Variants in ZNF185 observed in about 807,000 individuals in gnomAD.
ZNF185 encodes zinc finger protein 185 with LIM domain.
In ZNF185, 56 loss-of-function variants were observed where a neutral mutation model predicts 58.6. The observed-to-expected ratio is 0.95, with a 90% CI of 0.77 to 1.19. ZNF185 has a LOEUF of 1.19. ZNF185 is among the 50% of genes most tolerant of loss of function. ZNF185 has a pLI of 0.00. For synonymous variants in ZNF185, 230 were observed against 215.9 expected (o/e 1.07, Z -0.57); for missense variants, 627 against 573.5 (o/e 1.09, Z -0.95).
chrX:152,938,071 C>T lies in ZNF185; in HGVS notation c.1122-3C>T. 8.5e-7 allele frequency: 1 copy of T among 1,174,698 alleles called. No individual in the cohort carries two copies. The highest frequency in any genetic ancestry group is 1.1e-6 in the Non-Finnish European group (1 of 876,369). On this transcript the variant is annotated splice_region_variant and splice_polypyrimidine_tract_variant and intron_variant, in intron 14 of 22. Coordinates refer to ENST00000449285, the Ensembl canonical transcript of ZNF185. ...CTCAGCAGGCCTGTGTTTCCTTCCT[C>T]AGCTCCAGTGCCACTTCAGTCTCTG...
At chrX:152,900,385 G>A in the ZNF185 span, among the ~76,000 whole-genome samples, 1 of 112,650 alleles carries the variant, frequency 8.9e-6, no homozygotes, top group African/African-American at 3.2e-5. Context: ...TGCGGGTTTT[G>A]CTTCAAGCCA....
chrX:152,917,857 G>T, intron 5 of ZNF185: 1 of 1,076,725 alleles, frequency 9.3e-7, no homozygotes, highest in Non-Finnish European at 1.2e-6. Context: ...GCAAGAGCCC[G>T]CTGGGCTGTT....
chrX:152,939,877 G>T (rs1253597307), intron 15 of ZNF185, among the ~76,000 whole-genome samples: 3 of 105,186 alleles, frequency 2.9e-5, no homozygotes, highest in South Asian at 4.3e-4. Flanking sequence ...CTGCCTCCTG[G>T]GTTCAAACGA....
intron 11 of ZNF185, among the ~76,000 whole-genome samples, chrX:152,925,026 C>T (rs993367002): frequency 8.0e-5 from 9 of 112,389 alleles, no homozygotes. Flanking sequence ...GGCATGGTGG[C>T]TCATGCCCGT....
the ZNF185 span, among the ~76,000 whole-genome samples, chrX:152,904,106 T>C: frequency 1.8e-5 from 2 of 112,691 alleles, no homozygotes; most frequent in Non-Finnish European, 3.8e-5. Flanking sequence ...TCTTTTTTTT[T>C]CCACTTGCTG....
rs2050613313 is a variant in ZNF185 at position 152,970,913 on chromosome X, G to A, written c.*1-361G>A. Among the ~76,000 whole-genome samples the A allele has an allele frequency of 2.7e-5, 3 of 111,615 alleles. 1 individual carries two copies. On this transcript the variant is annotated intron_variant, in intron 22 of 22. Transcript: ENST00000449285. ...AGGTAGAATCAGGACCTCACCCCAG[G>A]TCTTTGGATTCTTGTCCAGGGCTCT...
chrX:152,905,624 C>G, the ZNF185 span, among the ~76,000 whole-genome samples: 5 of 110,847 alleles, frequency 4.5e-5, no homozygotes, highest in African/African-American at 1.6e-4. Flanking sequence ...TGGACAGGAG[C>G]CTCGACACCC....
At chrX:152,914,776 C>A in exon 2 of ZNF185, 1 of 1,190,606 alleles carries the variant, frequency 8.4e-7, no homozygotes, top group Non-Finnish European at 1.1e-6. Context: ...GTGCGAACCA[C>A]GCTGAAGGGG....
chrX:152,965,810 C>A (rs1229267678), intron 19 of ZNF185, among the ~76,000 whole-genome samples: 2 of 108,999 alleles, frequency 1.8e-5, no homozygotes, highest in African/African-American at 6.7e-5. Context: ...ATGCTGAGAA[C>A]ACCCCTCTTG....
At chrX:152,937,168 T>C (rs1860884818) in intron 14 of ZNF185, among the ~76,000 whole-genome samples, 4 of 110,410 alleles carry the variant, frequency 3.6e-5, no homozygotes. Flanking sequence ...ATGCTCAGGG[T>C]CAGGTTCCAG....
intron 19 of ZNF185, among the ~76,000 whole-genome samples, chrX:152,966,130 C>G (rs782102217): frequency 9.0e-6 from 1 of 110,596 alleles, no homozygotes; most frequent in South Asian, 3.9e-4. Context: ...GCCTTAGCCT[C>G]CCTAGTAGCT....
At chrX:152,948,987 TA>T (rs1311999252) in intron 16 of ZNF185, among the ~76,000 whole-genome samples, 2 of 111,719 alleles carry the variant, frequency 1.8e-5, no homozygotes. Context: ...GGGCCTGGAC[TA>T]GGGGACTAGC....
chrX:152,914,435 T>C, upstream of ZNF185: 4 of 1,091,955 alleles, frequency 3.7e-6, no homozygotes, highest in South Asian at 8.3e-5. Context: ...TTGCTTACCT[T>C]TATCCCCAGA....
intron 14 of ZNF185, chrX:152,936,439 T>G (rs1474265570): frequency 1.7e-6 from 2 of 1,165,390 alleles, no homozygotes; most frequent in Non-Finnish European, 2.3e-6. Context: ...CTGCTAGCTT[T>G]GCCTCTTTCC....
intron 18 of ZNF185, among the ~76,000 whole-genome samples, chrX:152,964,452 C>A (rs2049904435): frequency 8.9e-6 from 1 of 112,358 alleles, no homozygotes; most frequent in Non-Finnish European, 1.9e-5. Context: ...GGGAGCAGGA[C>A]CATCACATGG....
chrX:152,904,745 C>T, the ZNF185 span, among the ~76,000 whole-genome samples: 1 of 111,777 alleles, frequency 8.9e-6, no homozygotes, highest in Non-Finnish European at 1.9e-5. Context: ...GGAGTCTGTG[C>T]CACAGCCAAG....
the ZNF185 span, among the ~76,000 whole-genome samples, chrX:152,908,662 C>T: frequency 8.9e-6 from 1 of 112,799 alleles, no homozygotes; most frequent in Non-Finnish European, 1.9e-5. Flanking sequence ...TGGGGCCCAG[C>T]GGTTTGGAGG....
chrX:152,903,701 C>A, the ZNF185 span, among the ~76,000 whole-genome samples: 1 of 111,728 alleles, frequency 9.0e-6, no homozygotes, highest in East Asian at 2.8e-4. Context: ...GCCCTTGAAG[C>A]CAAGCCAGCC....
At chrX:152,958,303 G>C (rs1556906610) in intron 16 of ZNF185, among the ~76,000 whole-genome samples, 2 of 111,520 alleles carry the variant, frequency 1.8e-5, no homozygotes, top group Non-Finnish European at 3.8e-5. Context: ...GGGAAGAGAA[G>C]CAGCTGGGGT....
Sources: allele counts gnomAD v4.1 joint callset (sites outside exome capture counted in the v4.1 genomes callset), GRCh38; gene constraint gnomAD v4.1.1; transcripts MANE v1.5; gene names NCBI Gene and HGNC (gene_info 2026-07-23, HGNC 2026-07-21).